The following SBF2 variants were observed in gnomAD, a reference collection of about 807,000 sequenced individuals.
SBF2 encodes the protein SET binding factor 2.
Under a neutral mutation model 225.2 loss-of-function variants are expected in SBF2, and 112 were observed. The observed-to-expected ratio is 0.50, with a 90% CI of 0.43 to 0.58. The LOEUF is 0.58. SBF2 is among the 20% of genes least tolerant of loss of function. SBF2 has a pLI of 0.00. For synonymous variants in SBF2, 763 were observed against 773.3 expected (o/e 0.99, Z 0.22); for missense variants, 1,996 against 2,206.2 (o/e 0.90, Z 1.91).
At chr11:9,966,462 T>C (rs1418274941) in intron 14 of SBF2, among the ~76,000 whole-genome samples, 1 of 152,184 alleles carries the variant, frequency 6.6e-6, no homozygotes, top group Non-Finnish European at 1.5e-5. Context: ...CCAACCTAAT[T>C]CACATTTTAT....
In SBF2 at chr11:10,287,110, G is replaced by C. The variant is rs542185410; in HGVS notation, c.55+6905C>G. Among the ~76,000 whole-genome samples, 13 of 152,250 alleles carry C rather than the reference G, an allele frequency of 8.5e-5. No homozygotes were observed. The South Asian group carries it at 2.1e-3, about 24-fold the overall frequency. ...ATAAATCTCAACTGTATGATCCTAA[G>C]TGAAAAAAGTTAGACACAAAAAACT... On this transcript the variant is annotated intron_variant, in intron 1 of 39. Transcript: ENST00000256190.
intron 16 of SBF2, among the ~76,000 whole-genome samples, chr11:9,922,977 G>A (rs181991063): frequency 3.1e-4 from 47 of 152,260 alleles, no homozygotes; most frequent in Admixed American, 3.0e-3. Flanking sequence ...CCTACCTGGA[G>A]AGTTTCAGCT....
intron 1 of SBF2, among the ~76,000 whole-genome samples, chr11:10,219,649 T>C (rs1958268150): frequency 6.6e-6 from 1 of 152,194 alleles, no homozygotes; most frequent in Non-Finnish European, 1.5e-5. Context: ...TTTTCTTGAA[T>C]GCTCTGCCGC....
At chr11:10,244,990 T>C (rs1959627889) in intron 1 of SBF2, among the ~76,000 whole-genome samples, 1 of 151,556 alleles carries the variant, frequency 6.6e-6, no homozygotes, top group African/African-American at 2.4e-5. Flanking sequence ...AAAAATTAGC[T>C]GGGTGTGGTG....
rs555085529 is a variant in SBF2, at chr11:10,229,569, T to C, written c.56-35582A>G. Among the ~76,000 whole-genome samples the C allele has an allele frequency of 3.9e-5, 6 of 152,156 alleles. No individual in the cohort carries two copies. In the South Asian group the frequency reaches 1.0e-3, roughly 26 times the overall value. On this transcript the variant is annotated intron_variant, in intron 1 of 39. Transcript: ENST00000256190. ...TTATTTCTGCCTTCATTTCGTTACGTACCCAGTAGTCATTCAGGAGCAGGT... is the reference window on the plus strand; with the variant it reads ...TTATTTCTGCCTTCATTTCGTTACGCACCCAGTAGTCATTCAGGAGCAGGT...
intron 1 of SBF2, among the ~76,000 whole-genome samples, chr11:10,212,544 G>A (rs1321513804): frequency 6.6e-6 from 1 of 152,142 alleles, no homozygotes; most frequent in Admixed American, 6.5e-5. Context: ...TTCTAGATTT[G>A]TAAAGTGATA....
intron 38 of SBF2, 50 bp downstream of exon 38, chr11:9,784,301 C>G: frequency 7.4e-7 from 1 of 1,358,502 alleles, no homozygotes. Flanking sequence ...TAGCCAGGGA[C>G]TGGGACTAGC....
intron 17 of SBF2, among the ~76,000 whole-genome samples, chr11:9,882,435 A>G (rs1462625708): frequency 6.6e-6 from 1 of 152,228 alleles, no homozygotes; most frequent in East Asian, 1.9e-4. Context: ...AGATATCTGT[A>G]ATATGTAATT....
At chr11:10,120,839 C>T (rs1205513845) in intron 2 of SBF2, among the ~76,000 whole-genome samples, 1 of 152,152 alleles carries the variant, frequency 6.6e-6, no homozygotes, top group African/African-American at 2.4e-5. Flanking sequence ...AGGCTGGTCT[C>T]GAACTCCTGA....
intron 2 of SBF2, among the ~76,000 whole-genome samples, chr11:10,140,664 G>T (rs899844150): frequency 4.6e-5 from 7 of 152,224 alleles, no homozygotes; most frequent in Non-Finnish European, 8.8e-5. Context: ...GAGGGGCCAT[G>T]AGAACCTCCC....
Position 10,029,751 on chromosome 11 carries a change from T to C in SBF2, c.513+14A>G, listed in dbSNP as rs1390484595. 6.6e-7 allele frequency: 1 copy of C among 1,524,330 alleles called. No individual in the cohort carries two copies. Among genetic ancestry groups the C allele is most frequent in the Non-Finnish European group, 9.1e-7 (1 of 1,098,230 alleles). The allele number at this position is 1,524,330 out of a possible 1,614,324, so 94.4% of individuals were successfully genotyped here. On this transcript the variant is annotated intron_variant, in intron 5 of 39. Coordinates refer to ENST00000256190, the MANE Select transcript of SBF2 (RefSeq NM_030962.4). Reference sequence around the variant, plus strand: ...GGAACAATCCTTCTCCACCTCTCTTTCTATTCTATTTACCTGAGACCCTCC... The same window carrying C: ...GGAACAATCCTTCTCCACCTCTCTTCCTATTCTATTTACCTGAGACCCTCC...
At position 9,998,252 on chromosome 11, in the gene SBF2, A is replaced by G. The variant is rs1220170174; in HGVS notation, c.975+14T>C. On this transcript the variant is annotated intron_variant, in intron 9 of 39. Coordinates refer to ENST00000256190, the MANE Select transcript of SBF2 (RefSeq NM_030962.4). ...AAATAAAGAGAAAGTTACTATTACAAAAATATGTCATACCAAAGAAAGAGC... is the reference window on the plus strand; with the variant it reads ...AAATAAAGAGAAAGTTACTATTACAGAAATATGTCATACCAAAGAAAGAGC... 2.1e-6 allele frequency: 3 copies of G among 1,447,800 alleles called. No homozygotes were observed. Among genetic ancestry groups the G allele is most frequent in the Non-Finnish European group, 2.9e-6 (3 of 1,029,894 alleles). 89.7% of individuals were successfully genotyped at this position (1,447,800 alleles called of 1,614,324 possible). A position where few individuals can be genotyped will look rare whatever the true frequency, so the allele number is the denominator to read the frequency against.
chr11:10,148,296 C>T (rs1462920038), intron 2 of SBF2, among the ~76,000 whole-genome samples: 1 of 152,042 alleles, frequency 6.6e-6, no homozygotes, highest in Non-Finnish European at 1.5e-5. Context: ...GTGAGATCTA[C>T]TTTTGAGGAC....
rs118087865 is a variant in SBF2, at chr11:9,968,606, G to T, written c.1396-61C>A. The T allele has an allele frequency of 4.2e-3, 5,683 of 1,362,984 alleles. 111 individuals are homozygous for T. The East Asian group carries it at 0.051, about 12-fold the overall frequency. 84.4% of individuals were successfully genotyped at this position (1,362,984 alleles called of 1,614,324 possible). ...TAAAATAACAATGGCAGATCACCAG[G>T]AAGGGAGTGGGAGCTTACAGGGACA... On this transcript the variant is annotated intron_variant, in intron 13 of 39. Coordinates refer to ENST00000256190, the MANE Select transcript of SBF2 (RefSeq NM_030962.4).
At chr11:10,229,965 A>G (rs908800372) in intron 1 of SBF2, among the ~76,000 whole-genome samples, 4 of 152,148 alleles carry the variant, frequency 2.6e-5, no homozygotes, top group East Asian at 3.9e-4. Flanking sequence ...TTTGTAGGTC[A>G]CTAAGGACTT....
chr11:9,856,048 T>C (rs171493), intron 19 of SBF2, among the ~76,000 whole-genome samples: 73,352 of 151,978 alleles, frequency 0.48, 18,547 homozygotes, highest in Non-Finnish European at 0.57. Flanking sequence ...TATGAGAAGT[T>C]ACTGGAGGGT....
At chr11:10,076,077 T>A (rs1951088700) in intron 2 of SBF2, among the ~76,000 whole-genome samples, 1 of 152,194 alleles carries the variant, frequency 6.6e-6, no homozygotes, top group Non-Finnish European at 1.5e-5. Context: ...ACAGTGGGCA[T>A]TAGGCTACGC....
At chr11:9,955,872 A>T (rs1281996195) in intron 16 of SBF2, among the ~76,000 whole-genome samples, 1 of 59,948 alleles carries the variant, frequency 1.7e-5, no homozygotes, top group Non-Finnish European at 4.7e-5. Context: ...CCTTAGTTTT[A>T]AAAAAATACT....
chr11:10,269,941 A>G (rs1398470205), intron 1 of SBF2, among the ~76,000 whole-genome samples: 4 of 152,122 alleles, frequency 2.6e-5, no homozygotes. Flanking sequence ...CCACACTTCT[A>G]ACTTTTCTAC....
Sources: gnomAD v4.1 joint callset for allele counts (sites outside exome capture counted in the v4.1 genomes callset) on GRCh38, gnomAD v4.1.1 for gene constraint, MANE v1.5 for transcripts, NCBI Gene and HGNC (gene_info 2026-07-23, HGNC 2026-07-21) for gene names.